ARHGAP23: variants seen among roughly 807,000 people sequenced by gnomAD.
ARHGAP23 encodes Rho GTPase activating protein 23, also known as rho GTPase-activating protein 23.
A neutral mutation model predicts 136.3 loss-of-function variants in ARHGAP23; 34 were observed. That is an observed-to-expected ratio of 0.25 (90% confidence interval 0.19 to 0.33). ARHGAP23 has a LOEUF of 0.33. Ranked by LOEUF, ARHGAP23 falls within the 10% of genes least tolerant of loss-of-function variation. The pLI is 1.00. For synonymous variants in ARHGAP23, 832 were observed against 920.5 expected (o/e 0.90, Z 1.74); for missense variants, 1,808 against 2,139.0 (o/e 0.85, Z 3.05).
At chr17:38,504,544 A>G (rs1271951902) in intron 23 of ARHGAP23, among the ~76,000 whole-genome samples, 4 of 151,968 alleles carry the variant, frequency 2.6e-5, no homozygotes, top group African/African-American at 9.7e-5. Flanking sequence ...CTCTTGCCTG[A>G]CTCTAAAACC....
chr17:38,466,615 G>A lies in ARHGAP23; in HGVS notation c.932G>A (p.Arg311Gln), dbSNP rs2039604662. The A allele has an allele frequency of 5.3e-6, 8 of 1,513,392 alleles. No individual in the cohort carries two copies. Among genetic ancestry groups the A allele is most frequent in the Middle Eastern group, 1.8e-4 (1 of 5,710 alleles). 93.7% of individuals were successfully genotyped at this position (1,513,392 alleles called of 1,614,324 possible). Reference sequence around the variant, plus strand: ...AGACGGTGCCCAGCCATGGCCCCCCGGGCCCGCAGCGCCTCCCAGGACCGG... The same window carrying A: ...AGACGGTGCCCAGCCATGGCCCCCCAGGCCCGCAGCGCCTCCCAGGACCGG... ...GERRCPAMAP[R>Q]ARSASQDRLE... Residue 311 changes from arginine (R) to glutamine (Q), a missense_variant, in exon 7 of 24, where the codon CGG becomes CAG. This residue lies in a region of ARHGAP23 where 859 missense variants were observed against 936.4 expected (regional missense o/e 0.92). Transcript: ENST00000622683.
Position 38,478,391 on chromosome 17 carries a change from A to G in ARHGAP23, c.2436+495A>G, listed in dbSNP as rs867300697. The stretch of plus-strand genomic sequence containing the variant: ...CCACAGGTGGGCAGGGGTGGAGCCA[A>G]GGGCCTCGGCAGGGATTTTGGGATA... On this transcript the variant is annotated intron_variant, in intron 12 of 23. Coordinates refer to ENST00000622683, the MANE Select transcript of ARHGAP23 (RefSeq NM_001199417.2). 2.9e-4 allele frequency among the ~76,000 whole-genome samples: 44 copies of G among 149,370 alleles called. 1 individual carries two copies. The highest frequency in any genetic ancestry group is 9.4e-4 in the African/African-American group (38 of 40,600).
intron 11 of ARHGAP23, among the ~76,000 whole-genome samples, chr17:38,474,648 A>G (rs1335427792): frequency 6.6e-6 from 1 of 152,094 alleles, no homozygotes; most frequent in African/African-American, 2.4e-5. Flanking sequence ...CACTAGAGGG[A>G]GGCCCACCTG....
Position 38,466,684 on chromosome 17 carries a change from C to G in ARHGAP23, c.1001C>G (p.Ser334Cys). 2.0e-6 allele frequency: 3 copies of G among 1,524,720 alleles called. No individual in the cohort carries two copies. The highest frequency in any genetic ancestry group is 2.6e-6 in the Non-Finnish European group (3 of 1,136,396). The allele number at this position is 1,524,720 out of a possible 1,614,324, so 94.4% of individuals were successfully genotyped here. ...AAPRPWPCST[S>C]QDALSQLGQE... ...CCCCGCCCGTGGCCCTGCTCCACCT[C>G]CCAGGATGCTTTGAGCCAGCTGGGC... The change falls in exon 7 of 24, where the codon TCC becomes TGC. Residue 334 changes from serine to cysteine, a missense_variant. This residue lies in a region of ARHGAP23 where 859 missense variants were observed against 936.4 expected (regional missense o/e 0.92). Coordinates refer to ENST00000622683, the MANE Select transcript of ARHGAP23 (RefSeq NM_001199417.2).
rs186615778 is a variant in ARHGAP23, at chr17:38,483,252, C to T, written c.2907+574C>T. On this transcript the variant is annotated intron_variant, in intron 16 of 23. Transcript: ENST00000622683. Reference sequence around the variant, plus strand: ...CTACAGACCATGGTTTACAAACCGCCGGCTTAGAAAAAGGGGAATATATGA... The same window carrying T: ...CTACAGACCATGGTTTACAAACCGCTGGCTTAGAAAAAGGGGAATATATGA... Among the ~76,000 whole-genome samples, 9 of 152,264 alleles carry T rather than the reference C, an allele frequency of 5.9e-5. No individual in the cohort carries two copies. In the East Asian group the frequency reaches 9.6e-4, roughly 16 times the overall value.
Position 38,449,916 on chromosome 17 carries a change from G to A in ARHGAP23, c.64-8186G>A, listed in dbSNP as rs143122347. On this transcript the variant is annotated intron_variant, in intron 1 of 23. Coordinates refer to ENST00000622683, the MANE Select transcript of ARHGAP23 (RefSeq NM_001199417.2). ...TCCTTAACCACACGCCCTGCAACAC[G>A]TCAGTTTCCTTCTTGCTCCTATCTC... Among the ~76,000 whole-genome samples the A allele has an allele frequency of 8.9e-4, 135 of 152,282 alleles. 1 individual carries two copies. The highest frequency in any genetic ancestry group is 1.2e-3 in the Non-Finnish European group (79 of 68,026).
At chr17:38,469,459 G>T in intron 8 of ARHGAP23, 65 bp from the exon 9 acceptor site, 1 of 1,491,698 alleles carries the variant, frequency 6.7e-7, no homozygotes, top group Non-Finnish European at 9.0e-7. Context: ...CAGAAGGGAG[G>T]GCTCTGGGAA....
chr17:38,462,902 A>G lies in ARHGAP23; in HGVS notation c.310A>G (p.Lys104Glu). The change falls in exon 4 of 24, where the codon AAG becomes GAG. Residue 104 changes from lysine to glutamate, a missense_variant. Around this residue, in one of 7 missense-constraint regions of ARHGAP23, gnomAD observed 859 missense variants for 936.4 expected, o/e 0.92. Coordinates refer to ENST00000622683, the MANE Select transcript of ARHGAP23 (RefSeq NM_001199417.2). ...GGACACCATCTTTGTCAAGAATGTG[A>G]AGGAAGACGGCCCTGCCCATAGGGC... ...PMDTIFVKNV[K>E]EDGPAHRAGL... The G allele has an allele frequency of 6.5e-7, 1 of 1,538,042 alleles. No individual in the cohort carries two copies. The highest frequency in any genetic ancestry group is 8.7e-7 in the Non-Finnish European group (1 of 1,142,998).
intron 7 of ARHGAP23, 140 bp downstream of exon 7, chr17:38,467,471 T>A: frequency 1.4e-6 from 1 of 706,098 alleles, no homozygotes; most frequent in Non-Finnish European, 2.2e-6. Flanking sequence ...GTCAATTCAT[T>A]CATCTGTTCA....
At chr17:38,426,224 A>G (rs1045427811), upstream of ARHGAP23, among the ~76,000 whole-genome samples, 2 of 151,906 alleles carry the variant, frequency 1.3e-5, no homozygotes, top group Non-Finnish European at 2.9e-5. Flanking sequence ...AGGAACAGGG[A>G]CCTGGTGGAA....
upstream of ARHGAP23, among the ~76,000 whole-genome samples, chr17:38,425,282 T>C (rs998475754): frequency 2.6e-5 from 4 of 152,120 alleles, no homozygotes; most frequent in South Asian, 2.1e-4. Context: ...CTCTCCTGCC[T>C]CCCTGGTTCG....
chr17:38,458,574 A>T (rs1434022626), intron 2 of ARHGAP23, among the ~76,000 whole-genome samples: 1 of 152,072 alleles, frequency 6.6e-6, no homozygotes, highest in Non-Finnish European at 1.5e-5. Context: ...CAGGATGCTC[A>T]CCTCACACCC....
Position 38,477,673 on chromosome 17 carries a change from C to CGGCGGCGGCGGG in ARHGAP23, c.2217_2228dup (p.Gly742_Ala745dup), listed in dbSNP as rs1474053325. 7.7e-7 allele frequency: 1 copy of CGGCGGCGGCGGG among 1,295,328 alleles called. No individual in the cohort carries two copies. The highest frequency in any genetic ancestry group is 3.5e-5 in the East Asian group (1 of 28,224). The allele number at this position is 1,295,328 out of a possible 1,614,324, so 80.2% of individuals were successfully genotyped here. On this transcript the variant is annotated inframe_insertion, in exon 12 of 24. Coordinates refer to ENST00000622683, the MANE Select transcript of ARHGAP23 (RefSeq NM_001199417.2). The surrounding 1 kb of genome is among the most constrained non-coding windows in gnomAD (Gnocchi z 6.6). ...AGCAAGGAGCGGCGGGAGCCCGGGC[C>CGGCGGCGGCGGG]GGCGGCGGCGGGGGCTGCGGCGGCC... is the stretch of plus-strand genomic sequence containing the variant.
chr17:38,466,134 GC>G, intron 6 of ARHGAP23, 32 bp from the exon 7 acceptor site: 1 of 1,442,322 alleles, frequency 6.9e-7, no homozygotes, highest in Non-Finnish European at 9.2e-7. Flanking sequence ...GACTTGTCTG[GC>G]CCTGCTTACC....
chr17:38,480,040 G>A (rs991356075), intron 14 of ARHGAP23, among the ~76,000 whole-genome samples, 157 bp downstream of exon 14: 1 of 152,006 alleles, frequency 6.6e-6, no homozygotes, highest in East Asian at 1.9e-4. Flanking sequence ...GCCTGTGAGG[G>A]TCTAGGGGCT....
At chr17:38,509,850 T>C (rs2040714949) in intron 23 of ARHGAP23, 94 bp from the exon 24 acceptor site, 1 of 1,012,306 alleles carries the variant, frequency 9.9e-7, no homozygotes, top group Non-Finnish European at 1.3e-6. Context: ...TTGTGGCGAC[T>C]GGGTGCCGTG....
rs1250532989 is a variant in ARHGAP23, at chr17:38,510,768, G to C, written c.4272G>C (p.Glu1424Asp). Residue 1424 changes from glutamate (E) to aspartate (D), a missense_variant, in exon 24 of 24, where the codon GAG (glutamate) becomes GAC (aspartate). Glu to Asp is a conservative substitution (Grantham distance 45). Transcript: ENST00000622683. The surrounding 1 kb of genome is among the most constrained non-coding windows in gnomAD (Gnocchi z 4.6). ...LTDLNFNEWKELGGGGPPEPA... is the reference protein window; with the variant it reads ...LTDLNFNEWKDLGGGGPPEPA... ...ACCTCAACTTCAACGAGTGGAAGGA[G>C]CTGGGCGGAGGGGGCCCCCCGGAGC... The C allele has an allele frequency of 6.7e-7, 1 of 1,495,188 alleles. No individual in the cohort carries two copies. Among genetic ancestry groups the C allele is most frequent in the Non-Finnish European group, 8.9e-7 (1 of 1,124,814 alleles). The allele number at this position is 1,495,188 out of a possible 1,614,324, so 92.6% of individuals were successfully genotyped here. A position where few individuals can be genotyped will look rare whatever the true frequency, so the allele number is the denominator to read the frequency against.
chr17:38,503,132 A>C (rs1463931887), intron 23 of ARHGAP23, among the ~76,000 whole-genome samples: 2 of 152,222 alleles, frequency 1.3e-5, no homozygotes, highest in Admixed American at 1.3e-4. Context: ...AGACAGAGAG[A>C]GAGAGGAAGA....
intron 12 of ARHGAP23, 107 bp downstream of exon 12, chr17:38,478,003 G>A: frequency 1.6e-6 from 2 of 1,229,370 alleles, no homozygotes; most frequent in Non-Finnish European, 2.3e-6. Context: ...CTGCTAGAAA[G>A]GGGGGCTGAC....
Sources: gnomAD v4.1 joint callset for allele counts (sites outside exome capture counted in the v4.1 genomes callset) on GRCh38, gnomAD v4.1.1 for gene constraint, gnomAD v4.1.1 regional missense constraint, Gnocchi (gnomAD v3.1) non-coding constraint, MANE v1.5 for transcripts, NCBI Gene and HGNC (gene_info 2026-07-23, HGNC 2026-07-21) for gene names.